The following RANBP2 variants were observed in gnomAD, a reference collection of about 807,000 sequenced individuals.
RANBP2 encodes RAN binding protein 2.
A neutral mutation model predicts 303.6 loss-of-function variants in RANBP2; 57 were observed. The ratio of observed to expected loss-of-function variants is 0.19; its 90% CI spans 0.15 to 0.23. RANBP2 has a LOEUF of 0.23. Among genes scored for constraint, RANBP2 ranks in the 10% least tolerant of loss-of-function variants. The probability of loss-of-function intolerance (pLI) is 1.00; values close to 1 mark genes in which losing one functional copy is unlikely to be tolerated. For missense variants in RANBP2, 3,138 were observed against 3,780.8 expected (o/e 0.83, Z 4.46); for synonymous variants, 1,167 against 1,301.5 (o/e 0.90, Z 2.23).
At chr2:109,234,289 G>A in the RANBP2 span, among the ~76,000 whole-genome samples, 1 of 152,328 alleles carries the variant, frequency 6.6e-6, no homozygotes, top group East Asian at 1.9e-4. Flanking sequence ...ACCTTTCATG[G>A]ACAGTTCATA....
chr2:108,949,650 T>C, the RANBP2 span, among the ~76,000 whole-genome samples: 2 of 152,038 alleles, frequency 1.3e-5, no homozygotes, highest in Admixed American at 6.6e-5. Context: ...TCATCTGAGG[T>C]TGGAGGATTG....
At chr2:109,485,446 C>G in the RANBP2 span, among the ~76,000 whole-genome samples, 1 of 152,180 alleles carries the variant, frequency 6.6e-6, no homozygotes, top group Non-Finnish European at 1.5e-5. Flanking sequence ...TGACCTTTAA[C>G]TGGCACTGAA....
chr2:109,732,756 A>G, the RANBP2 span: 3 of 761,356 alleles, frequency 3.9e-6, no homozygotes, highest in African/African-American at 1.7e-5. Flanking sequence ...CTTGGAAACA[A>G]TGGCAACAAG....
chr2:108,732,552 T>G (rs1695249795), intron 4 of RANBP2, among the ~76,000 whole-genome samples: 1 of 152,228 alleles, frequency 6.6e-6, no homozygotes, highest in African/African-American at 2.4e-5. Context: ...CAAAGCACAC[T>G]ATCAAAATCA....
the RANBP2 span, chr2:109,128,233 G>A: frequency 6.6e-6 from 1 of 152,270 alleles, no homozygotes; most frequent in East Asian, 1.9e-4. Flanking sequence ...CGGTCCTCCT[G>A]TACGTACTTC....
intron 1 of RANBP2, among the ~76,000 whole-genome samples, chr2:108,720,454 A>G (rs891081856): frequency 1.3e-5 from 2 of 152,216 alleles, no homozygotes; most frequent in East Asian, 3.9e-4. Context: ...TCCTCTTTAC[A>G]TGTAAATAAT....
chr2:108,936,762 AT>A, the RANBP2 span, among the ~76,000 whole-genome samples: 2 of 152,152 alleles, frequency 1.3e-5, no homozygotes, highest in Non-Finnish European at 2.9e-5. Flanking sequence ...GCTAATTAAT[AT>A]TAGATTGGGA....
chr2:109,697,283 A>G, the RANBP2 span, among the ~76,000 whole-genome samples: 1 of 152,200 alleles, frequency 6.6e-6, no homozygotes, highest in Admixed American at 6.5e-5. Context: ...TGAGGTTGGG[A>G]GTTCGAGACC....
chr2:109,398,633 G>T, the RANBP2 span: 2 of 1,595,770 alleles, frequency 1.3e-6, no homozygotes, highest in Non-Finnish European at 8.5e-7. Flanking sequence ...GACAAGCCAT[G>T]CCCAGCCGCT....
chr2:109,481,841 T>G, the RANBP2 span, among the ~76,000 whole-genome samples: 2 of 152,126 alleles, frequency 1.3e-5, no homozygotes, highest in Non-Finnish European at 2.9e-5. Flanking sequence ...GCAAGGTGCC[T>G]GCCCAGGTCA....
chr2:108,722,008 T>C (rs986325829), intron 1 of RANBP2, among the ~76,000 whole-genome samples: 2 of 151,568 alleles, frequency 1.3e-5, no homozygotes, highest in African/African-American at 4.9e-5. Flanking sequence ...GTGCTGAGAT[T>C]ACAGGTGTGA....
the RANBP2 span, among the ~76,000 whole-genome samples, chr2:109,264,777 G>A: frequency 6.6e-6 from 1 of 152,224 alleles, no homozygotes; most frequent in East Asian, 1.9e-4. Context: ...TCTTCTGAGG[G>A]CCGTGGAGTC....
At chr2:109,085,233 G>A in the RANBP2 span, among the ~76,000 whole-genome samples, 4 of 152,212 alleles carry the variant, frequency 2.6e-5, no homozygotes, top group African/African-American at 9.6e-5. Context: ...ATAGCAGGGG[G>A]CACATCAGTG....
chr2:109,600,538 GA>G, the RANBP2 span, among the ~76,000 whole-genome samples: 240 of 132,222 alleles, frequency 1.8e-3, 2 homozygotes, highest in Middle Eastern at 3.9e-3. Context: ...GCAATGAGTT[GA>G]AAAAAAAAAA....
chr2:109,201,135 G>A, the RANBP2 span, among the ~76,000 whole-genome samples: 7 of 152,238 alleles, frequency 4.6e-5, no homozygotes, highest in Admixed American at 3.9e-4. Context: ...TATCAGGTAC[G>A]GCTCTGGCTT....
intron 1 of RANBP2, among the ~76,000 whole-genome samples, chr2:108,728,634 GA>G (rs1694930944): frequency 6.7e-6 from 1 of 148,218 alleles, no homozygotes; most frequent in African/African-American, 2.5e-5. Context: ...TGATGATGAT[GA>G]TGATGTTTGG....
chr2:109,647,602 G>A, the RANBP2 span, among the ~76,000 whole-genome samples: 5 of 152,086 alleles, frequency 3.3e-5, no homozygotes, highest in Admixed American at 1.3e-4. Context: ...CCTAGTAGCC[G>A]GGATTACAGT....
At chr2:109,687,488 T>A in the RANBP2 span, among the ~76,000 whole-genome samples, 2 of 152,146 alleles carry the variant, frequency 1.3e-5, no homozygotes, top group Non-Finnish European at 2.9e-5. Context: ...TAGAATGAAT[T>A]CATATCCACA....
At chr2:109,692,303 G>A in the RANBP2 span, among the ~76,000 whole-genome samples, 1 of 151,774 alleles carries the variant, frequency 6.6e-6, no homozygotes, top group Non-Finnish European at 1.5e-5. Context: ...GGGCGGTGGG[G>A]AGGGCGCTGG....
Sources: allele counts gnomAD v4.1 joint callset (sites outside exome capture counted in the v4.1 genomes callset), GRCh38; gene constraint gnomAD v4.1.1; transcripts MANE v1.5; gene names NCBI Gene and HGNC (gene_info 2026-07-23, HGNC 2026-07-21).